Variants in HS6ST1 observed in about 807,000 individuals in gnomAD.
HS6ST1 encodes the protein heparan sulfate 6-O-sulfotransferase 1.
A neutral mutation model predicts 25.2 loss-of-function variants in HS6ST1; 3 were observed. That is an observed-to-expected ratio of 0.12 (90% CI 0.05 to 0.31). HS6ST1 has a LOEUF of 0.31. Ranked by LOEUF, HS6ST1 falls within the 10% of genes least tolerant of loss-of-function variation. The pLI is 1.00. For synonymous variants in HS6ST1, 204 were observed against 275.1 expected, an observed-to-expected ratio of 0.74 and a Z score of 2.56; for missense variants, 310 against 609.6, an observed-to-expected ratio of 0.51 and a Z score of 5.18.
intron 1 of HS6ST1, among the ~76,000 whole-genome samples, chr2:128,311,968 G>A (rs1434367555): frequency 6.6e-6 from 1 of 152,358 alleles, no homozygotes; most frequent in East Asian, 1.9e-4. Context: ...CCGACTCTCA[G>A]GCAGCCTTGC....
chr2:128,268,553 T>G lies in HS6ST1; in HGVS notation c.845A>C (p.Lys282Thr). The part of the protein sequence containing the change: ...KRAQLLLESA[K>T]KNLRGMAFFG... ...GAAGGCCATGCCCCGCAGGTTCTTC[T>G]TGGCGCTCTCGAGCAGCAGCTGGGC... Residue 282 changes from lysine (K) to threonine (T), a missense_variant, in exon 2 of 2, where the codon AAG (lysine) becomes ACG (threonine). By Grantham distance (78) the Lys-to-Thr change is moderately conservative (BLOSUM62 -1). This residue lies in a region of HS6ST1 where 98 missense variants were observed against 270.3 expected (regional missense o/e 0.36). Coordinates refer to ENST00000259241, the MANE Select transcript of HS6ST1 (RefSeq NM_004807.3). 6.2e-7 allele frequency: 1 copy of G among 1,601,882 alleles called. No homozygotes were observed. Among genetic ancestry groups the G allele is most frequent in the South Asian group, 1.1e-5 (1 of 90,004 alleles).
intron 1 of HS6ST1, among the ~76,000 whole-genome samples, chr2:128,277,569 C>A (rs1399537102): frequency 2.6e-5 from 4 of 152,230 alleles, no homozygotes; most frequent in African/African-American, 9.6e-5. Flanking sequence ...ACGTCCCTCC[C>A]TCTCACAAGT....
chr2:128,297,152 T>A (rs1399243325), intron 1 of HS6ST1, among the ~76,000 whole-genome samples: 1 of 152,284 alleles, frequency 6.6e-6, no homozygotes, highest in East Asian at 1.9e-4. Flanking sequence ...TACAAAGCTA[T>A]GGTAGTCAAA....
rs1693546637 is a variant in HS6ST1 at position 128,267,916 on chromosome 2, C to A, written c.*246G>T. On this transcript the variant is annotated 3_prime_UTR_variant, in exon 2 of 2. Transcript: ENST00000259241. ...AGGCACAACACCTGCTCTGGAGGCC[C>A]TGCCCTGACCATGGCATCCTTCGAG... The A allele has an allele frequency of 1.7e-6, 1 of 596,082 alleles. No homozygotes were observed. Among genetic ancestry groups the A allele is most frequent in the African/African-American group, 1.9e-5 (1 of 53,870 alleles). The allele number at this position is 596,082 out of a possible 1,614,324, so 36.9% of individuals were successfully genotyped here. A position where few individuals can be genotyped will look rare whatever the true frequency, so the allele number is the denominator to read the frequency against.
chr2:128,314,520 G>C (rs750504355), intron 1 of HS6ST1, among the ~76,000 whole-genome samples: 1 of 152,204 alleles, frequency 6.6e-6, no homozygotes, highest in African/African-American at 2.4e-5. Flanking sequence ...AGACTGAAGG[G>C]AGGGGAGGAG....
chr2:128,284,504 C>CTTTTTTTTTTT (rs71396519), intron 1 of HS6ST1, among the ~76,000 whole-genome samples: 2 of 94,888 alleles, frequency 2.1e-5, no homozygotes, highest in African/African-American at 5.1e-5. Flanking sequence ...CATCGTCCCT[C>CTTTTTTTTTTT]TTTTTTTTTT....
intron 1 of HS6ST1, among the ~76,000 whole-genome samples, chr2:128,314,048 G>A (rs1694328332): frequency 2.0e-5 from 3 of 152,008 alleles, no homozygotes; most frequent in African/African-American, 7.3e-5. Flanking sequence ...GGCAATGTAG[G>A]CACAGTGACA....
chr2:128,288,263 C>G (rs1295673725), intron 1 of HS6ST1, among the ~76,000 whole-genome samples: 3 of 152,168 alleles, frequency 2.0e-5, no homozygotes, highest in African/African-American at 7.2e-5. Flanking sequence ...TTGGGCCCAC[C>G]AAGAGAGACG....
At chr2:128,290,894 A>C (rs1405117251) in intron 1 of HS6ST1, among the ~76,000 whole-genome samples, 1 of 152,006 alleles carries the variant, frequency 6.6e-6, no homozygotes, top group Non-Finnish European at 1.5e-5. Context: ...AGGCGTAAGA[A>C]TCACTTGAAC....
chr2:128,265,685 C>T lies in HS6ST1; in HGVS notation c.*2477G>A, dbSNP rs980496138. The stretch of plus-strand genomic sequence containing the variant: ...GTTCAAGTTAAACAGTTCCAGTTCC[C>T]GAAAAGTTCACAGCCTTGTTTTGTG... On this transcript the variant is annotated 3_prime_UTR_variant, in exon 2 of 2. Coordinates refer to ENST00000259241, the MANE Select transcript of HS6ST1 (RefSeq NM_004807.3). 5 of 152,158 alleles carry T rather than the reference C, an allele frequency of 3.3e-5. No homozygotes were observed. Among genetic ancestry groups the T allele is most frequent in the Admixed American group, 1.3e-4 (2 of 15,302 alleles). 9.4% of individuals were successfully genotyped at this position (152,158 alleles called of 1,614,324 possible).
In HS6ST1 at chr2:128,318,057, G is replaced by C. The variant is rs1694400801; in HGVS notation, c.507C>G (p.Ser169=). Residue 169 remains serine (S), a synonymous_variant, in exon 1 of 2, where the codon TCC becomes TCG. Coordinates refer to ENST00000259241, the MANE Select transcript of HS6ST1 (RefSeq NM_004807.3). This position sits in a 1 kb window ranked among gnomAD's most constrained non-coding sequence, Gnocchi z 5.7. ...CTCACCTGGGCGTGCGCAGCGCGGC[G>C]GAGTCGCGGCGGTCCAGCACGCCGG... The part of the protein sequence containing the change: ...CVPGVLDRRD[S]AALRTPRKFY... The C allele has an allele frequency of 1.3e-6, 2 of 1,521,756 alleles. No homozygotes were observed. Among genetic ancestry groups the C allele is most frequent in the Admixed American group, 4.1e-5 (2 of 48,854 alleles). 94.3% of individuals were successfully genotyped at this position (1,521,756 alleles called of 1,614,324 possible). A position where few individuals can be genotyped will look rare whatever the true frequency, so the allele number is the denominator to read the frequency against.
chr2:128,286,367 C>T (rs1050587755), intron 1 of HS6ST1, among the ~76,000 whole-genome samples: 18 of 152,142 alleles, frequency 1.2e-4, no homozygotes, highest in Admixed American at 2.6e-4. Flanking sequence ...GGCAAGCAAG[C>T]GCCAGGGAGG....
rs1208486703 is a variant in HS6ST1 at position 128,318,683 on chromosome 2, C to A, written c.-120G>T. 1 of 166,088 alleles carries A rather than the reference C, an allele frequency of 6.0e-6. No individual in the cohort carries two copies. The highest frequency in any genetic ancestry group is 2.0e-4 in the East Asian group (1 of 5,032). The allele number at this position is 166,088 out of a possible 1,614,324, so 10.3% of individuals were successfully genotyped here. A position where few individuals can be genotyped will look rare whatever the true frequency, so the allele number is the denominator to read the frequency against. On this transcript the variant is annotated 5_prime_UTR_variant, in exon 1 of 2. Coordinates refer to ENST00000259241, the MANE Select transcript of HS6ST1 (RefSeq NM_004807.3). The surrounding 1 kb of genome is among the most constrained non-coding windows in gnomAD (Gnocchi z 5.7). ...CCGGCCCGGCTACTCGGCGCCCAGG[C>A]CGCCCGCAGCGGCGCGGGCCCCGAC...
chr2:128,297,452 A>T lies in HS6ST1; in HGVS notation c.527+20585T>A, dbSNP rs558882384. Among the ~76,000 whole-genome samples, 8 of 152,360 alleles carry T rather than the reference A, an allele frequency of 5.3e-5. No homozygotes were observed. The South Asian group carries it at 1.7e-3, about 32-fold the overall frequency. ...CACAGGAAAAAAGCTTTATGATACTAGATTTGGCAATGATCTCTTGAATAT... is the reference window on the plus strand; with the variant it reads ...CACAGGAAAAAAGCTTTATGATACTTGATTTGGCAATGATCTCTTGAATAT... On this transcript the variant is annotated intron_variant, in intron 1 of 1. Transcript: ENST00000259241.
At chr2:128,309,702 G>A (rs1694260456) in intron 1 of HS6ST1, among the ~76,000 whole-genome samples, 1 of 152,218 alleles carries the variant, frequency 6.6e-6, no homozygotes, top group African/African-American at 2.4e-5. Context: ...AATAATCCTA[G>A]GCAGCTGTGC....
chr2:128,284,678 G>T (rs1330979253), intron 1 of HS6ST1, among the ~76,000 whole-genome samples: 1 of 152,094 alleles, frequency 6.6e-6, no homozygotes, highest in African/African-American at 2.4e-5. Flanking sequence ...AGTAGAGATG[G>T]GGTTTTGCCA....
chr2:128,266,941 T>G lies in HS6ST1; in HGVS notation c.*1221A>C, dbSNP rs1226324539. The G allele has an allele frequency of 2.0e-5, 3 of 150,670 alleles. No individual in the cohort carries two copies. The highest frequency in any genetic ancestry group is 7.3e-5 in the African/African-American group (3 of 40,824). 9.3% of individuals were successfully genotyped at this position (150,670 alleles called of 1,614,324 possible). On this transcript the variant is annotated 3_prime_UTR_variant, in exon 2 of 2. Coordinates refer to ENST00000259241, the MANE Select transcript of HS6ST1 (RefSeq NM_004807.3). ...GCATGGCCAGCCTTTTGCCAGGGGG[T>G]GGGGAGCATGGGGAAATGCAAGGAG...
At chr2:128,301,230 T>C (rs930710577) in intron 1 of HS6ST1, among the ~76,000 whole-genome samples, 8 of 151,832 alleles carry the variant, frequency 5.3e-5, no homozygotes, top group Non-Finnish European at 5.9e-5. Context: ...GGGGGCTGCG[T>C]AGCTCTAGCC....
At chr2:128,284,768 G>A (rs946588337) in intron 1 of HS6ST1, among the ~76,000 whole-genome samples, 15 of 152,138 alleles carry the variant, frequency 9.9e-5, no homozygotes, top group African/African-American at 3.4e-4. Context: ...GATTACAGGC[G>A]TGAGCCACTG....
Sources: gnomAD v4.1 joint callset for allele counts (sites outside exome capture counted in the v4.1 genomes callset) on GRCh38, gnomAD v4.1.1 for gene constraint, gnomAD v4.1.1 regional missense constraint, Gnocchi (gnomAD v3.1) non-coding constraint, MANE v1.5 for transcripts, NCBI Gene and HGNC (gene_info 2026-07-23, HGNC 2026-07-21) for gene names.